LRP4: variants seen among roughly 807,000 people sequenced by gnomAD.
LRP4 encodes the protein low-density lipoprotein receptor-related protein 4.
A neutral mutation model predicts 220.3 loss-of-function variants in LRP4; 95 were observed. That is an observed-to-expected ratio of 0.43 (90% confidence interval 0.37 to 0.51). The LOEUF is 0.51. LRP4 is among the 20% of genes least tolerant of loss of function. The pLI, the probability that LRP4 is intolerant of heterozygous loss-of-function variation, is 0.00. For synonymous variants in LRP4, 903 were observed against 954.6 expected (o/e 0.95, Z 1.00); for missense variants, 1,925 against 2,567.0 (o/e 0.75, Z 5.40).
intron 18 of LRP4, among the ~76,000 whole-genome samples, chr11:46,884,736 C>CAAAAAAAAAA (rs71042633): frequency 2.5e-5 from 1 of 40,758 alleles, no homozygotes; most frequent in African/African-American, 8.8e-5. Flanking sequence ...GACTCCGTCT[C>CAAAAAAAAAA]AAAAAAAAAA....
In LRP4 at chr11:46,889,689, C is replaced by A; in HGVS notation, c.2093-156G>T. Reference sequence around the variant, plus strand: ...GCCCCTGCTGCTAGCACAGTGAGTACCCGGCACAGAGGAGATGCCCTGTAA... The same window carrying A: ...GCCCCTGCTGCTAGCACAGTGAGTAACCGGCACAGAGGAGATGCCCTGTAA... On this transcript the variant is annotated intron_variant, in intron 15 of 37. Transcript: ENST00000378623. 5 of 1,013,572 alleles carry A rather than the reference C, an allele frequency of 4.9e-6. No homozygotes were observed. In the South Asian group the frequency reaches 5.5e-5, roughly 11 times the overall value. 62.8% of individuals were successfully genotyped at this position (1,013,572 alleles called of 1,614,324 possible).
chr11:46,882,532 A>C (rs1941187384), intron 19 of LRP4, among the ~76,000 whole-genome samples: 1 of 152,098 alleles, frequency 6.6e-6, no homozygotes, highest in Non-Finnish European at 1.5e-5. Flanking sequence ...GGGTTAAATA[A>C]GTTAACAGAA....
chr11:46,881,521 C>A (rs1241875094), intron 20 of LRP4, among the ~76,000 whole-genome samples, 181 bp downstream of exon 20: 1 of 152,158 alleles, frequency 6.6e-6, no homozygotes, highest in Non-Finnish European at 1.5e-5. Context: ...CCCCTGCCCC[C>A]AAGCTCTGGA....
At chr11:46,915,699 G>A (rs1239889207) in intron 1 of LRP4, among the ~76,000 whole-genome samples, 2 of 152,128 alleles carry the variant, frequency 1.3e-5, no homozygotes, top group African/African-American at 4.8e-5. Flanking sequence ...ATGTGCCACT[G>A]TGCCTGGCTA....
chr11:46,873,198 C>T lies in LRP4; in HGVS notation c.4485G>A (p.Lys1495=). ...AACCATCCAAGTTTGCCCGTTCGAT[C>T]TTGGCAATGTGGCCCCAGTCTGTCC... ...LFWTDWGHIA[K]IERANLDGSE... The change falls in exon 30 of 38, where the codon AAG becomes AAA. Residue 1495 remains lysine, a synonymous_variant. Transcript: ENST00000378623. The surrounding 1 kb of genome is among the most constrained non-coding windows in gnomAD (Gnocchi z 4.2). The T allele has an allele frequency of 1.9e-6, 3 of 1,614,186 alleles. No individual in the cohort carries two copies.
At chr11:46,883,658 T>C (rs1397667908) in intron 19 of LRP4, among the ~76,000 whole-genome samples, 2 of 152,254 alleles carry the variant, frequency 1.3e-5, no homozygotes, top group South Asian at 4.1e-4. Flanking sequence ...TCTATAGTTC[T>C]GTGTGTGTAT....
At chr11:46,884,037 T>C (rs1319557991) in intron 18 of LRP4, 61 bp from the exon 19 acceptor site, 5 of 1,345,674 alleles carry the variant, frequency 3.7e-6, no homozygotes, top group Non-Finnish European at 5.3e-6. Flanking sequence ...TTACCTTCCA[T>C]GGCCAACACA....
Position 46,868,641 on chromosome 11 carries a change from C to T in LRP4, c.4910G>A (p.Cys1637Tyr), listed in dbSNP as rs1259523978. Residue 1637 changes from cysteine (C) to tyrosine (Y), a missense_variant, in exon 33 of 38, where the codon TGT becomes TAT. Physicochemically the swap from Cys to Tyr is radical, Grantham distance 194 (BLOSUM62 -2). Around this residue, in one of 3 missense-constraint regions of LRP4, gnomAD observed 1,244 missense variants for 1,624.9 expected, o/e 0.77. Coordinates refer to ENST00000378623, the MANE Select transcript of LRP4 (RefSeq NM_002334.4). The stretch of plus-strand genomic sequence containing the variant: ...GCTATCAGGTTCGTCAGGACAGGCA[C>T]ATACGAAGTCCGAGGCTCTGGCAAA... ...LCFARASDFV[C>Y]ACPDEPDSRP... The T allele has an allele frequency of 2.5e-6, 4 of 1,614,084 alleles. No individual in the cohort carries two copies. Among genetic ancestry groups the T allele is most frequent in the Non-Finnish European group, 3.4e-6 (4 of 1,180,030 alleles).
chr11:46,894,892 A>G (rs1941493219), intron 11 of LRP4, 73 bp from the exon 12 acceptor site: 3 of 1,324,460 alleles, frequency 2.3e-6, no homozygotes, highest in Non-Finnish European at 3.2e-6. Context: ...GCAGGTCTTC[A>G]GCTGACCGAT....
Position 46,899,071 on chromosome 11 carries a change from G to C in LRP4, c.548-39C>G, listed in dbSNP as rs777749580. The C allele has an allele frequency of 2.1e-5, 33 of 1,593,272 alleles. No individual in the cohort carries two copies. In the Middle Eastern group the frequency reaches 5.1e-4, roughly 25 times the overall value. On this transcript the variant is annotated intron_variant, in intron 5 of 37. Coordinates refer to ENST00000378623, the MANE Select transcript of LRP4 (RefSeq NM_002334.4). This position sits in a 1 kb window ranked among gnomAD's most constrained non-coding sequence, Gnocchi z 5.9. The stretch of plus-strand genomic sequence containing the variant: ...AGGGGTGGGGAGGGGCACACACTCA[G>C]GCCTGGATGAAGGAGAGGGGCCCTG...
intron 17 of LRP4, 31 bp from the exon 18 acceptor site, chr11:46,886,203 T>C (rs747798047): frequency 1.1e-5 from 18 of 1,605,498 alleles, no homozygotes; most frequent in Non-Finnish European, 1.4e-5. Flanking sequence ...TATCACCAAC[T>C]GTACTTCCAC....
chr11:46,918,385 C>A lies in LRP4; in HGVS notation c.-6G>T. ...GCGCCCCACTGCCGCCTCATGGTGC[C>A]GCCCGCGCCGCTCGCCCGGGGTCCC... On this transcript the variant is annotated 5_prime_UTR_variant, in exon 1 of 38. Transcript: ENST00000378623. The surrounding 1 kb of genome is among the most constrained non-coding windows in gnomAD (Gnocchi z 6.0). 1.4e-6 allele frequency: 2 copies of A among 1,432,246 alleles called. No individual in the cohort carries two copies. The highest frequency in any genetic ancestry group is 1.8e-6 in the Non-Finnish European group (2 of 1,094,524). 88.7% of individuals were successfully genotyped at this position (1,432,246 alleles called of 1,614,324 possible).
chr11:46,873,111 A>G lies in LRP4; in HGVS notation c.4572T>C (p.Tyr1524=). ...LGWPNGLTLD[Y]DTRRIYWVDA... ...TGCAAGACTCCCACCTGCGGGTATCATAGTCCAGGGTAAGGCCATTGGGCC... is the reference window on the plus strand; with the variant it reads ...TGCAAGACTCCCACCTGCGGGTATCGTAGTCCAGGGTAAGGCCATTGGGCC... Residue 1524 remains tyrosine (Y), a synonymous_variant, in exon 30 of 38, where the codon TAT becomes TAC. Transcript: ENST00000378623. This position sits in a 1 kb window ranked among gnomAD's most constrained non-coding sequence, Gnocchi z 4.2. The G allele has an allele frequency of 1.2e-6, 2 of 1,614,174 alleles. No individual in the cohort carries two copies. The highest frequency in any genetic ancestry group is 1.7e-6 in the Non-Finnish European group (2 of 1,180,024).
chr11:46,862,600 T>C lies in LRP4; in HGVS notation c.5385+6A>G, dbSNP rs762624809. 8 of 1,613,930 alleles carry C rather than the reference T, an allele frequency of 5.0e-6. No individual in the cohort carries two copies. Among genetic ancestry groups the C allele is most frequent in the Non-Finnish European group, 8.5e-7 (1 of 1,179,978 alleles). On this transcript the variant is annotated splice_donor_region_variant and intron_variant, in intron 37 of 37. Transcript: ENST00000378623. The stretch of plus-strand genomic sequence containing the variant: ...AAGACCCTTGAATATAAATTTCAAT[T>C]TTTACCTCTTTCTTATAGCACAGCT...
intron 6 of LRP4, 46 bp from the exon 7 acceptor site, chr11:46,898,723 C>T: frequency 1.2e-6 from 2 of 1,613,024 alleles, no homozygotes; most frequent in Non-Finnish European, 1.7e-6. Context: ...TGTGCAGTGT[C>T]CCATGGCAGA....
intron 2 of LRP4, among the ~76,000 whole-genome samples, chr11:46,902,137 C>T (rs1941677220): frequency 6.6e-6 from 1 of 151,756 alleles, no homozygotes; most frequent in Non-Finnish European, 1.5e-5. Context: ...GTGGCTGGAT[C>T]ACTTGAAGTC....
At chr11:46,910,463 T>C (rs1001653996) in intron 1 of LRP4, among the ~76,000 whole-genome samples, 181 of 152,330 alleles carry the variant, frequency 1.2e-3, no homozygotes, top group African/African-American at 4.2e-3. Context: ...TTGTTATTAC[T>C]ATTAAAGATT....
chr11:46,869,887 C>T (rs575479822), intron 31 of LRP4, among the ~76,000 whole-genome samples: 1 of 152,024 alleles, frequency 6.6e-6, no homozygotes, highest in African/African-American at 2.4e-5. Context: ...GGTGGGCGAT[C>T]ATGAGGTCAG....
intron 7 of LRP4, 126 bp from the exon 8 acceptor site, chr11:46,897,120 T>C: frequency 8.1e-7 from 1 of 1,235,046 alleles, no homozygotes; most frequent in Non-Finnish European, 1.2e-6. Context: ...AGCTGGTCTA[T>C]ATAGTGTCTT....
Sources: gnomAD v4.1 joint callset for allele counts (sites outside exome capture counted in the v4.1 genomes callset) on GRCh38, gnomAD v4.1.1 for gene constraint, gnomAD v4.1.1 regional missense constraint, Gnocchi (gnomAD v3.1) non-coding constraint, MANE v1.5 for transcripts, NCBI Gene and HGNC (gene_info 2026-07-23, HGNC 2026-07-21) for gene names.